Variants in POLR2B observed in about 807,000 individuals in gnomAD.
POLR2B encodes RNA polymerase II subunit B, also known as DNA-directed RNA polymerase II subunit RPB2.
POLR2B carries 57 observed loss-of-function variants against 144.6 expected under a neutral mutation model. That is an observed-to-expected ratio of 0.39 (90% CI 0.32 to 0.49). POLR2B has a LOEUF of 0.49. Among genes scored for constraint, POLR2B ranks in the 20% least tolerant of loss-of-function variants. POLR2B has a pLI of 0.83. For missense variants in POLR2B, 595 were observed against 1,467.4 expected, an observed-to-expected ratio of 0.41 and a Z score of 9.71; for synonymous variants, 442 against 469.8, an observed-to-expected ratio of 0.94 and a Z score of 0.77.
Position 57,008,206 on chromosome 4 carries a change from G to T in POLR2B, c.1404+1204G>T, listed in dbSNP as rs1407997720. Among the ~76,000 whole-genome samples the T allele has an allele frequency of 2.1e-3, 288 of 137,150 alleles. 1 individual carries two copies. The highest frequency in any genetic ancestry group is 5.3e-3 in the African/African-American group (197 of 36,876). 90.0% of individuals were successfully genotyped at this position (137,150 alleles called of 152,430 possible). Reference sequence around the variant, plus strand: ...ATTGCAAATTCAGTTCAAGGAATTGGTTTTTTTTTTTTTTTTGAGACAGAG... The same window carrying T: ...ATTGCAAATTCAGTTCAAGGAATTGTTTTTTTTTTTTTTTTTGAGACAGAG... On this transcript the variant is annotated intron_variant, in intron 10 of 24. Coordinates refer to ENST00000314595, the MANE Select transcript of POLR2B (RefSeq NM_000938.3).
At chr4:57,022,557 C>G (rs928965186) in intron 18 of POLR2B, among the ~76,000 whole-genome samples, 1 of 152,106 alleles carries the variant, frequency 6.6e-6, no homozygotes, top group Admixed American at 6.6e-5. Flanking sequence ...ACACCTGTCC[C>G]CCTTCCTTTC....
chr4:57,017,339 A>C lies in POLR2B; in HGVS notation c.2154+98A>C. On this transcript the variant is annotated intron_variant, in intron 15 of 24. Coordinates refer to ENST00000314595, the MANE Select transcript of POLR2B (RefSeq NM_000938.3). The surrounding 1 kb of genome is among the most constrained non-coding windows in gnomAD (Gnocchi z 4.8). ...CTTATCTGGAGGGAAAAAGCCTTTT[A>C]ATGAAAAGGCTATTAACTCCTACGG... 6.5e-6 allele frequency: 6 copies of C among 916,876 alleles called. No homozygotes were observed. Among genetic ancestry groups the C allele is most frequent in the Non-Finnish European group, 8.5e-6 (5 of 589,194 alleles). 56.8% of individuals were successfully genotyped at this position (916,876 alleles called of 1,614,324 possible).
chr4:57,000,707 G>GC (rs898731553), intron 7 of POLR2B, among the ~76,000 whole-genome samples: 4 of 124,396 alleles, frequency 3.2e-5, no homozygotes, highest in African/African-American at 1.4e-4. Flanking sequence ...TGTTTTTTTT[G>GC]GGGGGGAGGA....
At chr4:56,979,079 G>A (rs1722069422) in intron 1 of POLR2B, 75 bp downstream of exon 1, 3 of 1,472,782 alleles carry the variant, frequency 2.0e-6, no homozygotes, top group South Asian at 2.3e-5. Context: ...TTGGATTGAG[G>A]ATTTGGGGCC....
chr4:57,013,730 G>A (rs1160361950), intron 13 of POLR2B, among the ~76,000 whole-genome samples: 1 of 152,000 alleles, frequency 6.6e-6, no homozygotes, highest in Non-Finnish European at 1.5e-5. Context: ...TGTGTATTAT[G>A]TATTTAGCTC....
intron 16 of POLR2B, among the ~76,000 whole-genome samples, chr4:57,018,788 A>G (rs888873912): frequency 1.3e-5 from 2 of 152,236 alleles, no homozygotes; most frequent in Non-Finnish European, 2.9e-5. Context: ...TTTAGACACC[A>G]GGAAGAGAAA....
At chr4:57,010,930 T>A in intron 12 of POLR2B, 43 bp downstream of exon 12, 1 of 1,586,146 alleles carries the variant, frequency 6.3e-7, no homozygotes, top group Middle Eastern at 1.7e-4. Context: ...TAGTTAATCT[T>A]TAGTTGTTGC....
chr4:57,003,764 A>G (rs1348190493), intron 7 of POLR2B, among the ~76,000 whole-genome samples: 18 of 151,902 alleles, frequency 1.2e-4, no homozygotes, highest in Admixed American at 1.2e-3. Context: ...AATCACTGGA[A>G]CCCAGGAGGC....
At chr4:56,999,491 A>C (rs1722791872) in intron 6 of POLR2B, 126 bp from the exon 7 acceptor site, 2 of 545,884 alleles carry the variant, frequency 3.7e-6, no homozygotes, top group Admixed American at 3.7e-5. Context: ...TCCTCACAGT[A>C]TTGGGAGGCG....
chr4:57,023,497 T>G lies in POLR2B; in HGVS notation c.2683T>G (p.Phe895Val). 6.2e-7 allele frequency: 1 copy of G among 1,613,910 alleles called. No individual in the cohort carries two copies. Among genetic ancestry groups the G allele is most frequent in the Non-Finnish European group, 8.5e-7 (1 of 1,179,780 alleles). The change falls in exon 19 of 25, where the codon TTT becomes GTT. Residue 895 changes from phenylalanine (F) to valine (V), a missense_variant. By Grantham distance (50) the Phe-to-Val change is conservative (BLOSUM62 -1). Transcript: ENST00000314595. The surrounding 1 kb of genome is among the most constrained non-coding windows in gnomAD (Gnocchi z 4.3). ...RRYTKRDCSTFLRTSETGIVD... is the reference protein window; with the variant it reads ...RRYTKRDCSTVLRTSETGIVD... ...CTATACCAAGAGAGACTGTAGCACTTTTCTCAGAACTAGCGAGACGGGCAT... is the reference window on the plus strand; with the variant it reads ...CTATACCAAGAGAGACTGTAGCACTGTTCTCAGAACTAGCGAGACGGGCAT...
In POLR2B at chr4:57,017,424, C is replaced by A. The variant is rs1723405683; in HGVS notation, c.2155-136C>A. 2 of 803,918 alleles carry A rather than the reference C, an allele frequency of 2.5e-6. No homozygotes were observed. The highest frequency in any genetic ancestry group is 2.6e-5 in the East Asian group (1 of 39,006). 49.8% of individuals were successfully genotyped at this position (803,918 alleles called of 1,614,324 possible). A position where few individuals can be genotyped will look rare whatever the true frequency, so the allele number is the denominator to read the frequency against. On this transcript the variant is annotated intron_variant, in intron 15 of 24. Coordinates refer to ENST00000314595, the MANE Select transcript of POLR2B (RefSeq NM_000938.3). The surrounding 1 kb of genome is among the most constrained non-coding windows in gnomAD (Gnocchi z 4.8). ...TGGTTAAGAGCCGTAATTGATTATT[C>A]CAAATGGTTATTACTTACTGTTTTT...
At position 57,013,311 on chromosome 4, in the gene POLR2B, T is replaced by C. The variant is rs551495053; in HGVS notation, c.1801-2191T>C. ...GTTTTGACCCAGGCTTATTTACAGC[T>C]TGAAGTCAGGAAGAGAGTGATTCAC... On this transcript the variant is annotated intron_variant, in intron 13 of 24. Transcript: ENST00000314595. Among the ~76,000 whole-genome samples, 26 of 152,210 alleles carry C rather than the reference T, an allele frequency of 1.7e-4. No individual in the cohort carries two copies. The East Asian group carries it at 4.3e-3, about 25-fold the overall frequency.
In POLR2B at chr4:57,025,412, A is replaced by G. The variant is rs1416130859; in HGVS notation, c.3114A>G (p.Thr1038=). 1 of 1,613,496 alleles carries G rather than the reference A, an allele frequency of 6.2e-7. No homozygotes were observed. The highest frequency in any genetic ancestry group is 8.5e-7 in the Non-Finnish European group (1 of 1,179,518). ...ATGGGTTCACTGGTCGAAAAATCAC[A>G]TCACAAATATTTATTGGCCCCACTT... The part of the protein sequence containing the change: ...LYNGFTGRKI[T]SQIFIGPTYY... The change falls in exon 23 of 25, where the codon ACA becomes ACG. Residue 1038 remains threonine, a synonymous_variant. Coordinates refer to ENST00000314595, the MANE Select transcript of POLR2B (RefSeq NM_000938.3).
chr4:56,984,304 C>G (rs1482329713), intron 1 of POLR2B, among the ~76,000 whole-genome samples: 1 of 151,414 alleles, frequency 6.6e-6, no homozygotes, highest in Non-Finnish European at 1.5e-5. Flanking sequence ...TTCTCCCACC[C>G]ATTTGTTAAT....
chr4:57,004,851 T>C lies in POLR2B; in HGVS notation c.901-395T>C, dbSNP rs528182012. Among the ~76,000 whole-genome samples the C allele has an allele frequency of 4.6e-5, 7 of 152,218 alleles. No homozygotes were observed. The South Asian group carries it at 1.5e-3, about 32-fold the overall frequency. ...AGGCATGTGCCACTGCGGCAGCTGA[T>C]TTTTGTATTTTTAGTAGAGATGGGG... On this transcript the variant is annotated intron_variant, in intron 7 of 24. Transcript: ENST00000314595.
At chr4:57,010,327 G>A (rs1723150151) in intron 10 of POLR2B, 34 bp from the exon 11 acceptor site, 3 of 1,604,690 alleles carry the variant, frequency 1.9e-6, no homozygotes, top group Non-Finnish European at 2.6e-6. Context: ...TCACAGAAAT[G>A]TCCAGACTTT....
At chr4:57,001,039 TTAAGTAA>T (rs1440315412) in intron 7 of POLR2B, among the ~76,000 whole-genome samples, 3 of 152,210 alleles carry the variant, frequency 2.0e-5, no homozygotes, top group Non-Finnish European at 4.4e-5. Context: ...TTGAAAACTA[TTAAGTAA>T]TAAGATCTGT....
intron 1 of POLR2B, among the ~76,000 whole-genome samples, chr4:56,983,899 C>T (rs1722236170): frequency 6.7e-6 from 1 of 149,448 alleles, no homozygotes; most frequent in Non-Finnish European, 1.5e-5. Context: ...CAGGGTCGCA[C>T]TCTCACCCAG....
In POLR2B at chr4:57,001,082, G is replaced by A. The variant is rs117781171; in HGVS notation, c.900+1301G>A. ...ACATTAATAGTATATAGTAATTCAA[G>A]TTTAATCTCTTTTATAGTTCAGAGT... On this transcript the variant is annotated intron_variant, in intron 7 of 24. Transcript: ENST00000314595. Among the ~76,000 whole-genome samples the A allele has an allele frequency of 1.2e-4, 19 of 152,316 alleles. No individual in the cohort carries two copies. In the East Asian group the frequency reaches 3.7e-3, roughly 29 times the overall value.
Sources: allele counts gnomAD v4.1 joint callset (sites outside exome capture counted in the v4.1 genomes callset), GRCh38; gene constraint gnomAD v4.1.1; non-coding constraint Gnocchi (gnomAD v3.1); transcripts MANE v1.5; gene names NCBI Gene and HGNC (gene_info 2026-07-23, HGNC 2026-07-21).